The following C2CD2 variants were observed in gnomAD, a reference collection of about 807,000 sequenced individuals.
C2CD2 encodes the protein C2 domain-containing protein 2.
In C2CD2, 43 loss-of-function variants were observed where a neutral mutation model predicts 74.3. The observed-to-expected ratio is 0.58, with a 90% confidence interval of 0.45 to 0.75. The LOEUF is 0.75. Ranked by LOEUF, C2CD2 falls within the 30% of genes least tolerant of loss-of-function variation. The probability of loss-of-function intolerance (pLI) is 0.00; values close to 1 mark genes in which losing one functional copy is unlikely to be tolerated. For synonymous variants in C2CD2, 422 were observed against 390.7 expected, an observed-to-expected ratio of 1.08 and a Z score of -0.94; for missense variants, 801 against 916.3, an observed-to-expected ratio of 0.87 and a Z score of 1.63.
At position 41,895,098 on chromosome 21, in the gene C2CD2, GAGA is replaced by G. The variant is rs1037805931; in HGVS notation, c.1870+3952_1870+3954del. On this transcript the variant is annotated intron_variant, in intron 13 of 13. Coordinates refer to ENST00000380486, the MANE Select transcript of C2CD2 (RefSeq NM_015500.2). The surrounding 1 kb of genome is among the most constrained non-coding windows in gnomAD (Gnocchi z 5.0). ...ACTTTAAGGAAAGGAGATTATCCTG[GAGA>G]ATGTGGGTAGGCCTCATCCAATCAG... is the stretch of plus-strand genomic sequence containing the variant. 2.8e-5 allele frequency: 11 copies of G among 393,002 alleles called. No homozygotes were observed. Among genetic ancestry groups the G allele is most frequent in the Admixed American group, 5.4e-5 (2 of 36,788 alleles). The allele number at this position is 393,002 out of a possible 1,614,324, so 24.3% of individuals were successfully genotyped here. A position where few individuals can be genotyped will look rare whatever the true frequency, so the allele number is the denominator to read the frequency against.
rs548435512 is a variant in C2CD2, at chr21:41,923,089, G to A, written c.379-1004C>T. Among the ~76,000 whole-genome samples the A allele has an allele frequency of 1.3e-4, 20 of 151,686 alleles. No individual in the cohort carries two copies. The highest frequency in any genetic ancestry group is 4.6e-4 in the African/African-American group (19 of 41,360). ...TAGCTCACTGCAACCTCCGCCTCCC[G>A]GGTTCACACGATTCTCCTGCCTCAA... On this transcript the variant is annotated intron_variant, in intron 2 of 13. Coordinates refer to ENST00000380486, the MANE Select transcript of C2CD2 (RefSeq NM_015500.2). The surrounding 1 kb of genome is among the most constrained non-coding windows in gnomAD (Gnocchi z 5.8).
intron 12 of C2CD2, chr21:41,901,179 A>G: frequency 3.8e-6 from 1 of 266,290 alleles, no homozygotes; most frequent in South Asian, 4.6e-5. Flanking sequence ...TCCACGGGGG[A>G]CACTACAATG....
rs116174624 is a variant in C2CD2 at position 41,895,660 on chromosome 21, C to G, written c.1870+3393G>C. Among the ~76,000 whole-genome samples, 619 of 152,236 alleles carry G rather than the reference C, an allele frequency of 4.1e-3. 3 individuals are homozygous for G. The highest frequency in any genetic ancestry group is 0.014 in the African/African-American group (578 of 41,532). ...GTTTAAAAAACAAATCACAAGAAGGCTGAAGTATAAACAAATACGTGAAAG... is the reference window on the plus strand; with the variant it reads ...GTTTAAAAAACAAATCACAAGAAGGGTGAAGTATAAACAAATACGTGAAAG... On this transcript the variant is annotated intron_variant, in intron 13 of 13. Transcript: ENST00000380486. The surrounding 1 kb of genome is among the most constrained non-coding windows in gnomAD (Gnocchi z 5.0).
chr21:41,921,883 T>C, intron 3 of C2CD2, 89 bp downstream of exon 3: 1 of 773,484 alleles, frequency 1.3e-6, no homozygotes, highest in Non-Finnish European at 2.3e-6. Flanking sequence ...ACATGAACGT[T>C]ACAGCCCTCT....
At position 41,886,381 on chromosome 21, in the gene C2CD2, C is replaced by T. The variant is rs901708362; in HGVS notation, c.*2743G>A. 6.6e-6 allele frequency: 1 copy of T among 152,232 alleles called. No individual in the cohort carries two copies. The highest frequency in any genetic ancestry group is 1.5e-5 in the Non-Finnish European group (1 of 68,044). 9.4% of individuals were successfully genotyped at this position (152,232 alleles called of 1,614,324 possible). On this transcript the variant is annotated 3_prime_UTR_variant, in exon 14 of 14. Coordinates refer to ENST00000380486, the MANE Select transcript of C2CD2 (RefSeq NM_015500.2). ...CATTTACTTTGTCATAAATACCCTA[C>T]ACCATGAAAAAACAAACCTGTATAA...
intron 2 of C2CD2, among the ~76,000 whole-genome samples, chr21:41,941,685 C>T (rs138430872): frequency 6.6e-6 from 1 of 152,194 alleles, no homozygotes; most frequent in African/African-American, 2.4e-5. Flanking sequence ...CTACAACTAT[C>T]ACCACCATCA....
chr21:41,933,213 T>C (rs545013826), intron 2 of C2CD2, among the ~76,000 whole-genome samples: 37 of 150,538 alleles, frequency 2.5e-4, no homozygotes, highest in African/African-American at 8.7e-4. Context: ...GAAGTTCCTG[T>C]TTCTTTTCTA....
chr21:41,947,645 A>G (rs149326877), intron 1 of C2CD2, among the ~76,000 whole-genome samples: 1 of 152,342 alleles, frequency 6.6e-6, no homozygotes, highest in African/African-American at 2.4e-5. Flanking sequence ...AGTTTAAAAA[A>G]TAAGACTTTA....
intron 2 of C2CD2, among the ~76,000 whole-genome samples, chr21:41,940,049 G>A (rs1339740607): frequency 2.6e-5 from 4 of 152,138 alleles, no homozygotes; most frequent in Non-Finnish European, 5.9e-5. Flanking sequence ...CGAAGGAAAT[G>A]CTCACTGGAG....
rs1424947565 is a variant in C2CD2 at position 41,889,316 on chromosome 21, C to T, written c.1899G>A (p.Leu633=). Residue 633 remains leucine (L), a synonymous_variant, in exon 14 of 14, where the codon CTG becomes CTA. Transcript: ENST00000380486. ...TCTGTTGATGCCGCCGGCGGAAGAA[C>T]AGCTTTGCACCTTTCCTTAGAATTC... ...KGGILRKGAK[L]FFRRRHQQKD... 6.2e-7 allele frequency: 1 copy of T among 1,614,008 alleles called. No individual in the cohort carries two copies. Among genetic ancestry groups the T allele is most frequent in the Non-Finnish European group, 8.5e-7 (1 of 1,179,992 alleles).
rs891667001 is a variant in C2CD2 at position 41,939,876 on chromosome 21, T to C, written c.378+2271A>G. Among the ~76,000 whole-genome samples the C allele has an allele frequency of 2.6e-5, 4 of 152,200 alleles. No homozygotes were observed. The highest frequency in any genetic ancestry group is 5.9e-5 in the Non-Finnish European group (4 of 68,036). ...GCACACCAGTGACCCGCCAGGCTCATGCCTGCCCTTGGGGTCCTCCGGTGC... is the reference window on the plus strand; with the variant it reads ...GCACACCAGTGACCCGCCAGGCTCACGCCTGCCCTTGGGGTCCTCCGGTGC... On this transcript the variant is annotated intron_variant, in intron 2 of 13. Transcript: ENST00000380486. The surrounding 1 kb of genome is among the most constrained non-coding windows in gnomAD (Gnocchi z 5.5).
chr21:41,948,995 G>A (rs998056258), intron 1 of C2CD2, among the ~76,000 whole-genome samples: 9 of 146,914 alleles, frequency 6.1e-5, no homozygotes, highest in Middle Eastern at 3.3e-3. Flanking sequence ...AACAAACAGC[G>A]TTGGGGACCC....
At chr21:41,908,165 G>A in intron 8 of C2CD2, 1 of 285,112 alleles carries the variant, frequency 3.5e-6, no homozygotes, top group Admixed American at 5.3e-5. Context: ...ACACAGCAGA[G>A]AGTATCTCCA....
intron 11 of C2CD2, among the ~76,000 whole-genome samples, chr21:41,905,036 G>A (rs7283940): frequency 6.6e-6 from 1 of 152,116 alleles, no homozygotes; most frequent in Non-Finnish European, 1.5e-5. Context: ...CTAAGCTGGT[G>A]TAAGCAGAAA....
chr21:41,928,395 G>A (rs963363576), intron 2 of C2CD2, among the ~76,000 whole-genome samples: 2 of 152,132 alleles, frequency 1.3e-5, no homozygotes, highest in Non-Finnish European at 2.9e-5. Context: ...ATCTGCCCTG[G>A]ATCTCAGAGG....
intron 7 of C2CD2, among the ~76,000 whole-genome samples, chr21:41,910,178 TA>T (rs2065010897): frequency 6.6e-6 from 1 of 152,156 alleles, no homozygotes; most frequent in Non-Finnish European, 1.5e-5. Context: ...TGTCTTTCTG[TA>T]TAACTACAGA....
chr21:41,907,559 C>T, intron 9 of C2CD2, 101 bp downstream of exon 9: 3 of 1,318,330 alleles, frequency 2.3e-6, no homozygotes, highest in South Asian at 1.4e-5. Flanking sequence ...GGTCTTATTT[C>T]ACACAGAGGC....
rs1351371692 is a variant in C2CD2 at position 41,924,285 on chromosome 21, G to A, written c.379-2200C>T. 6.6e-6 allele frequency among the ~76,000 whole-genome samples: 1 copy of A among 152,080 alleles called. No individual in the cohort carries two copies. The highest frequency in any genetic ancestry group is 2.4e-5 in the African/African-American group (1 of 41,406). On this transcript the variant is annotated intron_variant, in intron 2 of 13. Transcript: ENST00000380486. This position sits in a 1 kb window ranked among gnomAD's most constrained non-coding sequence, Gnocchi z 4.4. ...CCCACCAGTGGCCCATCCCACTCTG[G>A]AACAAAAACGGAACCTGGGCACTAA...
chr21:41,909,606 A>G (rs2065003499), intron 7 of C2CD2, 83 bp from the exon 8 acceptor site: 8 of 958,660 alleles, frequency 8.3e-6, no homozygotes, highest in African/African-American at 1.6e-5. Context: ...TTCTGATTAT[A>G]GAAAGGAAGA....
Sources: allele counts gnomAD v4.1 joint callset (sites outside exome capture counted in the v4.1 genomes callset), GRCh38; gene constraint gnomAD v4.1.1; non-coding constraint Gnocchi (gnomAD v3.1); transcripts MANE v1.5; gene names NCBI Gene and HGNC (gene_info 2026-07-23, HGNC 2026-07-21).